NT5C3A: variants seen among roughly 807,000 people sequenced by gnomAD.
NT5C3A encodes the protein cytosolic 5'-nucleotidase 3A.
Under a neutral mutation model 40.0 loss-of-function variants are expected in NT5C3A, and 23 were observed. The observed-to-expected ratio is 0.58, with a 90% confidence interval of 0.41 to 0.81. NT5C3A has a LOEUF of 0.81. Ranked by LOEUF, NT5C3A falls within the 40% of genes least tolerant of loss-of-function variation. The pLI, the probability that NT5C3A is intolerant of heterozygous loss-of-function variation, is 0.00. For missense variants in NT5C3A, 328 were observed against 403.0 expected (o/e 0.81, Z 1.59); for synonymous variants, 130 against 141.4 (o/e 0.92, Z 0.57).
Position 33,019,615 on chromosome 7 carries a change from A to C in NT5C3A, c.530+20T>G. On this transcript the variant is annotated intron_variant, in intron 6 of 8. Coordinates refer to ENST00000610140, the MANE Select transcript of NT5C3A (RefSeq NM_001002010.5). Reference sequence around the variant, plus strand: ...TCAAGTCTGTGAACAATAACAGCAAAAAACATCCAAGAAACTTACTTGAGC... The same window carrying C: ...TCAAGTCTGTGAACAATAACAGCAACAAACATCCAAGAAACTTACTTGAGC... 1 of 1,458,036 alleles carries C rather than the reference A, an allele frequency of 6.9e-7. No individual in the cohort carries two copies. The highest frequency in any genetic ancestry group is 9.6e-7 in the Non-Finnish European group (1 of 1,039,838). The allele number at this position is 1,458,036 out of a possible 1,614,324, so 90.3% of individuals were successfully genotyped here. A position where few individuals can be genotyped will look rare whatever the true frequency, so the allele number is the denominator to read the frequency against.
chr7:33,059,902 C>T (rs1407534407), intron 1 of NT5C3A, among the ~76,000 whole-genome samples: 1 of 152,204 alleles, frequency 6.6e-6, no homozygotes, highest in East Asian at 1.9e-4. Flanking sequence ...TTTCCAGGAT[C>T]TTCCCTTCCA....
At chr7:33,046,863 G>A (rs1056003290) in intron 1 of NT5C3A, among the ~76,000 whole-genome samples, 1 of 151,402 alleles carries the variant, frequency 6.6e-6, no homozygotes, top group Non-Finnish European at 1.5e-5. Context: ...GAGTGCAGTG[G>A]TGCAATCTTG....
At chr7:33,049,640 C>T (rs2128015454) in intron 1 of NT5C3A, among the ~76,000 whole-genome samples, 1 of 152,126 alleles carries the variant, frequency 6.6e-6, no homozygotes, top group African/African-American at 2.4e-5. Context: ...AATTTTTATT[C>T]TATTTATCTA....
intron 1 of NT5C3A, among the ~76,000 whole-genome samples, chr7:33,053,370 T>C (rs1434940031): frequency 6.6e-6 from 1 of 152,100 alleles, no homozygotes; most frequent in Non-Finnish European, 1.5e-5. Flanking sequence ...GTATTTTTAG[T>C]AGAGACAGGG....
intron 8 of NT5C3A, among the ~76,000 whole-genome samples, chr7:33,015,425 T>TA (rs1390144514): frequency 1.3e-5 from 2 of 151,974 alleles, no homozygotes; most frequent in Non-Finnish European, 2.9e-5. Context: ...CAGCCAGGTG[T>TA]AGTGGTGTGC....
At position 33,014,379 on chromosome 7, in the gene NT5C3A, A is replaced by G. The variant is rs1202672317; in HGVS notation, c.*351T>C. ...ATCATGCATATTATTTCACCATTTC[A>G]TAAAACTTATTTTAAAATTTCTACA... On this transcript the variant is annotated 3_prime_UTR_variant, in exon 9 of 9. Coordinates refer to ENST00000610140, the MANE Select transcript of NT5C3A (RefSeq NM_001002010.5). 3 of 456,552 alleles carry G rather than the reference A, an allele frequency of 6.6e-6. No homozygotes were observed. Among genetic ancestry groups the G allele is most frequent in the Non-Finnish European group, 1.3e-5 (3 of 228,906 alleles). 28.3% of individuals were successfully genotyped at this position (456,552 alleles called of 1,614,324 possible).
chr7:33,022,111 A>G lies in NT5C3A; in HGVS notation c.308-12T>C, dbSNP rs750811896. On this transcript the variant is annotated splice_polypyrimidine_tract_variant and intron_variant, in intron 3 of 8. Transcript: ENST00000610140. ...GTTGTCAATGATATCTAAAGATAGA[A>G]AGCAAAATAAGCATTAAAAGAAATA... is the stretch of plus-strand genomic sequence containing the variant. 1.5e-6 allele frequency: 2 copies of G among 1,365,462 alleles called. No individual in the cohort carries two copies. The highest frequency in any genetic ancestry group is 2.1e-6 in the Non-Finnish European group (2 of 956,188). 84.6% of individuals were successfully genotyped at this position (1,365,462 alleles called of 1,614,324 possible).
Position 33,014,426 on chromosome 7 carries a change from T to C in NT5C3A, c.*304A>G. The stretch of plus-strand genomic sequence containing the variant: ...TACAAACTTTCCCAGTGTAAAAGAC[T>C]CCTCAAAAGCTGCATGATAACATTA... On this transcript the variant is annotated 3_prime_UTR_variant, in exon 9 of 9. Transcript: ENST00000610140. 2.1e-6 allele frequency: 1 copy of C among 474,132 alleles called. No individual in the cohort carries two copies. The highest frequency in any genetic ancestry group is 4.1e-6 in the Non-Finnish European group (1 of 241,204). The allele number at this position is 474,132 out of a possible 1,614,324, so 29.4% of individuals were successfully genotyped here.
At chr7:33,025,907 G>A (rs1785900398) in intron 2 of NT5C3A, among the ~76,000 whole-genome samples, 1 of 152,122 alleles carries the variant, frequency 6.6e-6, no homozygotes, top group Admixed American at 6.5e-5. Context: ...AAATAAGGCT[G>A]GGCCATGATG....
At chr7:33,015,163 A>G (rs1785252701) in intron 8 of NT5C3A, among the ~76,000 whole-genome samples, 1 of 152,142 alleles carries the variant, frequency 6.6e-6, no homozygotes, top group South Asian at 2.1e-4. Context: ...GGCAGAAGAC[A>G]CAGAGGCCTC....
intron 3 of NT5C3A, 56 bp from the exon 4 acceptor site, chr7:33,022,155 C>G (rs1246165655): frequency 1.1e-6 from 1 of 911,692 alleles, no homozygotes; most frequent in Non-Finnish European, 1.8e-6. Flanking sequence ...TATGCTACCA[C>G]TACTATGAAT....
In NT5C3A at chr7:33,038,961, C is replaced by A. The variant is rs141325947; in HGVS notation, c.139-12046G>T. 154 of 447,286 alleles carry A rather than the reference C, an allele frequency of 3.4e-4. 3 individuals are homozygous for A. The East Asian group carries it at 8.2e-3, about 24-fold the overall frequency. 27.7% of individuals were successfully genotyped at this position (447,286 alleles called of 1,614,324 possible). On this transcript the variant is annotated intron_variant, in intron 1 of 8. Transcript: ENST00000610140. ...CAAAGGAAGTTTTAACATTTTAAGT[C>A]TTCAGAGTCTTTAAATGTGAACTGG...
At chr7:33,054,665 T>C (rs535571732) in intron 1 of NT5C3A, among the ~76,000 whole-genome samples, 10 of 152,202 alleles carry the variant, frequency 6.6e-5, no homozygotes, top group Non-Finnish European at 1.3e-4. Flanking sequence ...CTTATATACA[T>C]GGCCTAAAAG....
intron 1 of NT5C3A, among the ~76,000 whole-genome samples, chr7:33,049,829 G>GCAC (rs773589603): frequency 4.6e-5 from 7 of 151,790 alleles, no homozygotes; most frequent in African/African-American, 1.7e-4. Context: ...AATTAGCCAG[G>GCAC]CGTGGTGGCA....
chr7:33,016,266 C>T (rs772561978), intron 7 of NT5C3A, among the ~76,000 whole-genome samples: 1 of 151,382 alleles, frequency 6.6e-6, no homozygotes, highest in Non-Finnish European at 1.5e-5. Flanking sequence ...CCCAGATACT[C>T]GGGAGGCTGA....
intron 1 of NT5C3A, among the ~76,000 whole-genome samples, chr7:33,037,148 T>C (rs915372694): frequency 3.9e-5 from 6 of 152,194 alleles, no homozygotes; most frequent in Admixed American, 3.9e-4. Flanking sequence ...GACTAAGACA[T>C]GAGCTGTATT....
At chr7:33,035,767 G>A (rs895480023) in intron 1 of NT5C3A, among the ~76,000 whole-genome samples, 1 of 152,174 alleles carries the variant, frequency 6.6e-6, no homozygotes, top group African/African-American at 2.4e-5. Context: ...ACATTTTAAA[G>A]ATAATTTGAA....
intron 7 of NT5C3A, 177 bp downstream of exon 7, chr7:33,017,262 C>A: frequency 1.7e-6 from 1 of 577,682 alleles, no homozygotes; most frequent in South Asian, 2.4e-5. Context: ...TTAAGAAGGG[C>A]ACATTGTTTT....
rs1785397981 is a variant in NT5C3A, at chr7:33,017,478, A to G, written c.654T>C (p.Asn218=). 6.2e-7 allele frequency: 1 copy of G among 1,613,530 alleles called. No homozygotes were observed. The change falls in exon 7 of 9, where the codon AAT becomes AAC. Residue 218 remains asparagine, a synonymous_variant. Coordinates refer to ENST00000610140, the MANE Select transcript of NT5C3A (RefSeq NM_001002010.5). ...CCATAAAATTGGACACAACTTTGAC[A>G]TTGGGATGATAAACACCAGCTTGAC... ...VIRQAGVYHP[N]VKVVSNFMDF...
Sources: gnomAD v4.1 joint callset for allele counts (sites outside exome capture counted in the v4.1 genomes callset) on GRCh38, gnomAD v4.1.1 for gene constraint, MANE v1.5 for transcripts, NCBI Gene and HGNC (gene_info 2026-07-23, HGNC 2026-07-21) for gene names.